The following RBM34 variants were observed in gnomAD, a reference collection of about 807,000 sequenced individuals.
RBM34 encodes RNA binding motif protein 34.
RBM34 carries 39 observed loss-of-function variants against 44.6 expected under a neutral mutation model. The ratio of observed to expected loss-of-function variants is 0.87; its 90% CI spans 0.68 to 1.14. The LOEUF is 1.14. RBM34 is among the 50% of genes most tolerant of loss of function. RBM34 has a pLI of 0.00. For synonymous variants in RBM34, 194 were observed against 184.0 expected (o/e 1.05, Z -0.44); for missense variants, 572 against 517.9 (o/e 1.10, Z -1.01).
intron 5 of RBM34, among the ~76,000 whole-genome samples, chr1:235,150,008 T>C (rs1662088462): frequency 1.3e-5 from 2 of 152,174 alleles, no homozygotes; most frequent in Non-Finnish European, 2.9e-5. Context: ...GTGAATGACA[T>C]CATCAAAACA....
chr1:235,149,890 A>G (rs1279409904), intron 5 of RBM34, among the ~76,000 whole-genome samples: 1 of 152,162 alleles, frequency 6.6e-6, no homozygotes, highest in African/African-American at 2.4e-5. Flanking sequence ...AATTTTAACT[A>G]TTTCTTCTGT....
intron 3 of RBM34, 54 bp downstream of exon 3, chr1:235,160,456 GA>G: frequency 6.5e-7 from 1 of 1,535,832 alleles, no homozygotes; most frequent in Non-Finnish European, 8.9e-7. Context: ...CCAAGTATAG[GA>G]ATGTTAATTT....
At position 235,137,894 on chromosome 1, in the gene RBM34, C is replaced by A. The variant is rs765307260; in HGVS notation, c.832G>T (p.Ala278Ser). Residue 278 changes from alanine to serine, a missense_variant, in exon 8 of 11, where the codon GCA becomes TCA. Transcript: ENST00000408888. ...CTACTTACAGATGAGGTCTCAGATG[C>A]GAGATCAACTCTAATACGAAATCCA... Reference protein sequence around the residue: ...ADGFRIRVDLASETSSRDKRS... With the variant: ...ADGFRIRVDLSSETSSRDKRS... The A allele has an allele frequency of 9.4e-6, 15 of 1,598,978 alleles. No homozygotes were observed. The highest frequency in any genetic ancestry group is 5.4e-5 in the African/African-American group (4 of 74,658).
chr1:235,136,235 G>T, intron 8 of RBM34, 162 bp from the exon 9 acceptor site: 1 of 660,164 alleles, frequency 1.5e-6, no homozygotes, highest in Non-Finnish European at 2.7e-6. Context: ...TGTCTTCCCT[G>T]CTGGACTGTG....
intron 10 of RBM34, among the ~76,000 whole-genome samples, chr1:235,132,667 C>T (rs1661264919): frequency 6.6e-6 from 1 of 152,042 alleles, no homozygotes; most frequent in South Asian, 2.1e-4. Flanking sequence ...CTGTCAAAGC[C>T]CCATTGTATT....
At chr1:235,148,558 TTC>T in intron 5 of RBM34, 111 bp from the exon 6 acceptor site, 1 of 740,104 alleles carries the variant, frequency 1.4e-6, no homozygotes, top group Non-Finnish European at 2.0e-6. Flanking sequence ...ATCAAAAACA[TTC>T]TAGGGAAATA....
At position 235,161,221 on chromosome 1, in the gene RBM34, G is replaced by T. The variant is rs763067377; in HGVS notation, c.6C>A (p.Ala2=). ...TCTTCCGTTTGCTCATCCCTTCCAA[G>T]GCCATTCTTACTCCAAAGACTCCCA... M[A]LEGMSKRKRK... Residue 2 remains alanine, a synonymous_variant, in exon 1 of 11, where the codon GCC becomes GCA. Transcript: ENST00000408888. The T allele has an allele frequency of 1.2e-6, 2 of 1,613,188 alleles. No homozygotes were observed. The highest frequency in any genetic ancestry group is 2.2e-5 in the East Asian group (1 of 44,866).
intron 6 of RBM34, among the ~76,000 whole-genome samples, chr1:235,141,578 G>A (rs1661684169): frequency 6.6e-6 from 1 of 152,138 alleles, no homozygotes; most frequent in Non-Finnish European, 1.5e-5. Context: ...AGCCACTCGG[G>A]TCCCCTTCCA....
At chr1:235,137,475 G>C (rs1174293415) in intron 8 of RBM34, among the ~76,000 whole-genome samples, 1 of 152,068 alleles carries the variant, frequency 6.6e-6, no homozygotes, top group East Asian at 1.9e-4. Context: ...CCTGGGCTCA[G>C]GTGGTGCTCC....
intron 10 of RBM34, 34 bp downstream of exon 10, chr1:235,135,617 TC>T: frequency 6.5e-7 from 1 of 1,543,874 alleles, no homozygotes; most frequent in Non-Finnish European, 9.0e-7. Flanking sequence ...CCAGGGCACT[TC>T]GAAGGACAGT....
intron 3 of RBM34, 141 bp downstream of exon 3, chr1:235,160,370 T>G: frequency 8.7e-7 from 1 of 1,147,558 alleles, no homozygotes. Flanking sequence ...CTTTTCAACT[T>G]TTCTATATGT....
At chr1:235,144,955 A>T (rs1216320796) in intron 6 of RBM34, among the ~76,000 whole-genome samples, 1 of 152,202 alleles carries the variant, frequency 6.6e-6, no homozygotes, top group Non-Finnish European at 1.5e-5. Context: ...AGGCAGGAGA[A>T]TCACTTGAAC....
intron 6 of RBM34, among the ~76,000 whole-genome samples, chr1:235,141,736 G>C (rs527364707): frequency 2.0e-5 from 3 of 152,226 alleles, no homozygotes; most frequent in African/African-American, 7.2e-5. Flanking sequence ...AGGCCACCGG[G>C]AGGAACGAAC....
intron 6 of RBM34, among the ~76,000 whole-genome samples, chr1:235,142,271 C>G (rs940531213): frequency 6.7e-6 from 1 of 149,766 alleles, no homozygotes; most frequent in African/African-American, 2.5e-5. Context: ...AGCCAACTGA[C>G]AAGCAATAGC....
intron 4 of RBM34, among the ~76,000 whole-genome samples, chr1:235,153,441 T>G (rs1662251551): frequency 6.6e-6 from 1 of 151,448 alleles, no homozygotes; most frequent in African/African-American, 2.4e-5. Context: ...TTTTTTTTTT[T>G]GAGACAGAGT....
intron 5 of RBM34, among the ~76,000 whole-genome samples, chr1:235,150,173 C>T (rs772275616): frequency 6.6e-6 from 1 of 152,234 alleles, no homozygotes; most frequent in Non-Finnish European, 1.5e-5. Context: ...CTCTCAGGTT[C>T]AAGCGATTCT....
chr1:235,131,753 T>C lies in RBM34; in HGVS notation c.1253A>G (p.Lys418Arg), dbSNP rs774170386. 5.6e-6 allele frequency: 9 copies of C among 1,607,108 alleles called. No homozygotes were observed. The highest frequency in any genetic ancestry group is 6.8e-6 in the Non-Finnish European group (8 of 1,178,056). The change falls in exon 11 of 11, where the codon AAG becomes AGG. Residue 418 changes from lysine to arginine, a missense_variant. Coordinates refer to ENST00000408888, the MANE Select transcript of RBM34 (RefSeq NM_015014.4). ...VLLKTKKKGQ[K>R]KSGRPKKQRK... is the part of the protein sequence containing the mutation. ...CTGTTTCTTAGGGCGTCCACTTTTC[T>C]TCTGTCCTTTCTTCTTCGTTTTAAG...
chr1:235,154,018 G>A (rs1023536325), intron 4 of RBM34, among the ~76,000 whole-genome samples: 42 of 152,212 alleles, frequency 2.8e-4, no homozygotes, highest in African/African-American at 7.0e-4. Context: ...AGGCCGAGGC[G>A]GACGGATCAC....
intron 6 of RBM34, among the ~76,000 whole-genome samples, chr1:235,141,389 C>T (rs576400138): frequency 5.9e-5 from 9 of 152,222 alleles, no homozygotes; most frequent in South Asian, 4.2e-4. Flanking sequence ...ACCTTTGTGT[C>T]GATACTCTGT....
Sources: gnomAD v4.1 joint callset for allele counts (sites outside exome capture counted in the v4.1 genomes callset) on GRCh38, gnomAD v4.1.1 for gene constraint, MANE v1.5 for transcripts, NCBI Gene and HGNC (gene_info 2026-07-23, HGNC 2026-07-21) for gene names.